The following CTBP2 variants were observed in gnomAD, a reference collection of about 807,000 sequenced individuals.
CTBP2 encodes C-terminal binding protein 2.
Under a neutral mutation model 80.3 loss-of-function variants are expected in CTBP2, and 30 were observed. That is an observed-to-expected ratio of 0.37 (90% confidence interval 0.28 to 0.51). The LOEUF (loss-of-function observed/expected upper bound fraction) is 0.51, where lower values mean the gene tolerates loss of function less well. CTBP2 is among the 20% of genes least tolerant of loss of function. The pLI, the probability that CTBP2 is intolerant of heterozygous loss-of-function variation, is 0.93. For synonymous variants in CTBP2, 594 were observed against 587.4 expected (o/e 1.01, Z -0.16); for missense variants, 1,212 against 1,375.3 (o/e 0.88, Z 1.88).
At chr10:125,149,692 G>A (rs936877657) in intron 1 of CTBP2, among the ~76,000 whole-genome samples, 2 of 152,246 alleles carry the variant, frequency 1.3e-5, no homozygotes, top group African/African-American at 4.8e-5. Flanking sequence ...GAATAGGAAG[G>A]TAATCTTATA....
chr10:125,119,952 C>T (rs1008013390), intron 1 of CTBP2, among the ~76,000 whole-genome samples: 1 of 152,218 alleles, frequency 6.6e-6, no homozygotes. Flanking sequence ...TAAGTCCCTG[C>T]GTGGCTGCTG....
chr10:125,015,809 G>A (rs1956419348), intron 1 of CTBP2, among the ~76,000 whole-genome samples: 3 of 152,242 alleles, frequency 2.0e-5, no homozygotes, highest in African/African-American at 7.2e-5. Flanking sequence ...ACGAATTGTT[G>A]CCAGAGGAAT....
At chr10:125,061,614 C>A (rs1964986763) in intron 2 of CTBP2, among the ~76,000 whole-genome samples, 1 of 152,158 alleles carries the variant, frequency 6.6e-6, no homozygotes, top group South Asian at 2.1e-4. Context: ...GATATAACAG[C>A]GTCTACGGCA....
chr10:125,015,444 G>A lies in CTBP2; in HGVS notation c.1678+10638C>T, dbSNP rs188599551. On this transcript the variant is annotated intron_variant, in intron 1 of 8. Coordinates refer to ENST00000309035, the MANE Select transcript of CTBP2 (RefSeq NM_022802.3). ...AAACGTGACGTCTGTTTTTGAAACA[G>A]AGCCTTTGCTGTGCGGTCCCTGGTG... 9.2e-5 allele frequency among the ~76,000 whole-genome samples: 14 copies of A among 152,338 alleles called. 1 individual carries two copies. The highest frequency in any genetic ancestry group is 3.4e-4 in the African/African-American group (14 of 41,592).
chr10:125,015,673 G>A (rs1055338992), intron 1 of CTBP2, among the ~76,000 whole-genome samples: 1 of 152,238 alleles, frequency 6.6e-6, no homozygotes, highest in Admixed American at 6.5e-5. Context: ...CGCCTCGCCC[G>A]CCCGCTGTGT....
upstream of CTBP2, among the ~76,000 whole-genome samples, chr10:125,028,899 A>G (rs1957912279): frequency 6.6e-6 from 1 of 152,258 alleles, no homozygotes; most frequent in Admixed American, 6.5e-5. Context: ...GCAATAATGC[A>G]AAGAACAGCA....
intron 1 of CTBP2, among the ~76,000 whole-genome samples, chr10:125,134,339 G>A (rs758853149): frequency 1.3e-5 from 2 of 152,110 alleles, no homozygotes; most frequent in African/African-American, 2.4e-5. Context: ...AAGCCCCCCC[G>A]CCCCGTGCCT....
intron 1 of CTBP2, among the ~76,000 whole-genome samples, chr10:125,006,823 C>G (rs886904382): frequency 1.3e-5 from 2 of 152,132 alleles, no homozygotes; most frequent in African/African-American, 4.8e-5. Context: ...AGGAGAAAGC[C>G]CAAGGCGCAG....
chr10:125,046,411 G>A (rs1316958453), intron 2 of CTBP2, among the ~76,000 whole-genome samples: 1 of 151,860 alleles, frequency 6.6e-6, no homozygotes, highest in African/African-American at 2.4e-5. Context: ...GGTGGTGCAC[G>A]CCTGTAATCC....
rs141610509 is a variant in CTBP2 at position 125,126,273 on chromosome 10, T to C, written c.-205-15180A>G. Among the ~76,000 whole-genome samples, 3 of 152,348 alleles carry C rather than the reference T, an allele frequency of 2.0e-5. No homozygotes were observed. In the East Asian group the frequency reaches 5.8e-4, roughly 29 times the overall value. ...AGGAATGCTACCTAGCAAGACGCTG[T>C]GATTCTCGGTAACTTAAGTTCTAAT... On this transcript the variant is annotated intron_variant, in intron 1 of 10. Transcript: ENST00000337195.
At chr10:125,039,206 GGACAACA>G (rs1464679011) in intron 2 of CTBP2, 51 bp from the exon 3 acceptor site, 1 of 620,468 alleles carries the variant, frequency 1.6e-6, no homozygotes, top group Non-Finnish European at 2.8e-6. Flanking sequence ...TCTGGGCACA[GGACAACA>G]GCTCACTGGG....
intron 1 of CTBP2, among the ~76,000 whole-genome samples, chr10:125,137,000 A>C (rs892425709): frequency 6.6e-6 from 1 of 152,198 alleles, no homozygotes; most frequent in East Asian, 1.9e-4. Flanking sequence ...ACCCACCCAA[A>C]TCTTCAGCAC....
rs1952089146 is a variant in CTBP2 at position 124,987,634 on chromosome 10, C to T, written c.*1884G>A. The T allele has an allele frequency of 6.6e-6, 1 of 151,782 alleles. No individual in the cohort carries two copies. 9.4% of individuals were successfully genotyped at this position (151,782 alleles called of 1,614,324 possible). A position where few individuals can be genotyped will look rare whatever the true frequency, so the allele number is the denominator to read the frequency against. Reference sequence around the variant, plus strand: ...ATAGGTCAGTAACTATGAGCGCCGTCTCTCTCCATGTGAGCTTGTGTTAAT... The same window carrying T: ...ATAGGTCAGTAACTATGAGCGCCGTTTCTCTCCATGTGAGCTTGTGTTAAT... On this transcript the variant is annotated 3_prime_UTR_variant, in exon 9 of 9. Transcript: ENST00000309035.
Position 125,110,728 on chromosome 10 carries a change from C to T in CTBP2, c.-102+262G>A, listed in dbSNP as rs143270964. Reference sequence around the variant, plus strand: ...TGTAGCATAATTTCCGTTGACTTATCTCTATAGCAGCAGCAGCAGCAAAAA... The same window carrying T: ...TGTAGCATAATTTCCGTTGACTTATTTCTATAGCAGCAGCAGCAGCAAAAA... On this transcript the variant is annotated intron_variant, in intron 2 of 10. Transcript: ENST00000337195. Among the ~76,000 whole-genome samples, 672 of 152,294 alleles carry T rather than the reference C, an allele frequency of 4.4e-3. 4 individuals are homozygous for T. Among genetic ancestry groups the T allele is most frequent in the African/African-American group, 0.015 (643 of 41,562 alleles).
intron 2 of CTBP2, among the ~76,000 whole-genome samples, chr10:125,090,773 T>TAACAAAACAA (rs1035253834): frequency 6.6e-6 from 1 of 150,806 alleles, no homozygotes; most frequent in Non-Finnish European, 1.5e-5. Flanking sequence ...AATAAATAAA[T>TAACAAAACAA]AACAAAACAA....
At chr10:124,997,849 C>T in intron 4 of CTBP2, 115 bp downstream of exon 6, 2 of 1,118,550 alleles carry the variant, frequency 1.8e-6, no homozygotes, top group Non-Finnish European at 2.5e-6. Flanking sequence ...AGGGTGCTGG[C>T]CCTGCCTGCC....
rs143673588 is a variant in CTBP2 at position 125,052,609 on chromosome 10, C to G, written c.-101-13454G>C. ...TCAAAGAAAGGTGATCCCCACACGG[C>G]CCACAGAGGAGGGAAGAACCTATCA... On this transcript the variant is annotated intron_variant, in intron 2 of 10. Coordinates refer to the CTBP2 transcript ENST00000337195. Among the ~76,000 whole-genome samples, 1,439 of 152,340 alleles carry G rather than the reference C, an allele frequency of 9.4e-3. 9 individuals carry two copies. The highest frequency in any genetic ancestry group is 0.016 in the Non-Finnish European group (1,081 of 68,030).
chr10:125,014,624 T>G (rs1565097730), intron 1 of CTBP2, among the ~76,000 whole-genome samples: 1 of 152,252 alleles, frequency 6.6e-6, no homozygotes. Context: ...AAATGCCCTG[T>G]GCCTCAGATG....
intron 2 of CTBP2, among the ~76,000 whole-genome samples, chr10:125,041,787 C>T (rs1397206602): frequency 1.3e-5 from 2 of 152,138 alleles, no homozygotes; most frequent in Non-Finnish European, 2.9e-5. Flanking sequence ...CCGAGTGAGG[C>T]GTAATCATTC....
Sources: gnomAD v4.1 joint callset for allele counts (sites outside exome capture counted in the v4.1 genomes callset) on GRCh38, gnomAD v4.1.1 for gene constraint, MANE v1.5 for transcripts, NCBI Gene and HGNC (gene_info 2026-07-23, HGNC 2026-07-21) for gene names.